IGSF9B: variants seen among roughly 807,000 people sequenced by gnomAD.
IGSF9B encodes the protein immunoglobulin superfamily member 9B.
A neutral mutation model predicts 143.7 loss-of-function variants in IGSF9B; 48 were observed. The observed-to-expected ratio is 0.33, with a 90% confidence interval of 0.26 to 0.42. The LOEUF is 0.42. Among genes scored for constraint, IGSF9B ranks in the 20% least tolerant of loss-of-function variants. The pLI, the probability that IGSF9B is intolerant of heterozygous loss-of-function variation, is 1.00. For missense variants in IGSF9B, 1,706 were observed against 1,980.0 expected (o/e 0.86, Z 2.63); for synonymous variants, 903 against 833.1 (o/e 1.08, Z -1.44).
chr11:133,914,217 A>G (rs1451516880), intron 18 of IGSF9B, among the ~76,000 whole-genome samples: 1 of 152,080 alleles, frequency 6.6e-6, no homozygotes, highest in Non-Finnish European at 1.5e-5. Flanking sequence ...CAATGCCCCC[A>G]TTTTTCAGAT....
At position 133,953,971 on chromosome 11, in the gene IGSF9B, C is replaced by T. The variant is rs562672610; in HGVS notation, c.64+2720G>A. The stretch of plus-strand genomic sequence containing the variant: ...AGCCCATTCCAACCTCTGTCCCGCA[C>T]CCGAGGGCTGATGGAGTCGGGTCCC... On this transcript the variant is annotated intron_variant, in intron 1 of 19. Transcript: ENST00000533871. The surrounding 1 kb of genome is among the most constrained non-coding windows in gnomAD (Gnocchi z 4.2). Among the ~76,000 whole-genome samples, 1 of 152,182 alleles carries T rather than the reference C, an allele frequency of 6.6e-6. No individual in the cohort carries two copies. The highest frequency in any genetic ancestry group is 1.5e-5 in the Non-Finnish European group (1 of 68,034).
chr11:133,939,891 CA>C (rs1939895376), intron 3 of IGSF9B, among the ~76,000 whole-genome samples: 1 of 147,758 alleles, frequency 6.8e-6, no homozygotes, highest in East Asian at 2.1e-4. Flanking sequence ...CGCGTCATCA[CA>C]TACAGAAACA....
chr11:133,906,337 C>T lies in IGSF9B; in HGVS notation c.*2732G>A, dbSNP rs925455125. 1.3e-5 allele frequency among the ~76,000 whole-genome samples: 2 copies of T among 152,362 alleles called. No homozygotes were observed. The highest frequency in any genetic ancestry group is 1.9e-4 in the East Asian group (1 of 5,176). ...AACTGCGTTCCACCAATCCCATCGC[C>T]GTCCACGGGCTGCAGGAGGGCTGCT... On this transcript the variant is annotated 3_prime_UTR_variant, in exon 20 of 20. Coordinates refer to ENST00000533871, the MANE Select transcript of IGSF9B (RefSeq NM_001277285.4).
intron 18 of IGSF9B, among the ~76,000 whole-genome samples, chr11:133,918,525 C>T (rs1432605528): frequency 2.0e-5 from 3 of 152,168 alleles, no homozygotes; most frequent in African/African-American, 7.2e-5. Flanking sequence ...CACCTCCGCG[C>T]ACAGGCGGCG....
chr11:133,904,847 G>GC lies in IGSF9B; in HGVS notation c.*4221dup, dbSNP rs1242038710. 1.1e-4 allele frequency among the ~76,000 whole-genome samples: 16 copies of GC among 150,722 alleles called. No individual in the cohort carries two copies. The highest frequency in any genetic ancestry group is 2.1e-4 in the South Asian group (1 of 4,702). ...CAACTCCCCCTCCTGAAACACCAGT[G>GC]CCCCATCCATTACCCTAGTCAATCT... On this transcript the variant is annotated 3_prime_UTR_variant, in exon 20 of 20. Transcript: ENST00000533871.
At chr11:133,933,834 CGGA>C (rs1234105427) in intron 7 of IGSF9B, among the ~76,000 whole-genome samples, 2 of 152,016 alleles carry the variant, frequency 1.3e-5, no homozygotes, top group South Asian at 2.1e-4. Context: ...CTGAGGGCTA[CGGA>C]GGAGAAGGAT....
chr11:133,921,216 C>T lies in IGSF9B; in HGVS notation c.2509G>A (p.Ala837Thr). ...ISSKKYSVAKAEAEAEATTPI... is the reference protein window; with the variant it reads ...ISSKKYSVAKTEAEAEATTPI... ...GTGGTGGCCTCTGCCTCGGCCTCTG[C>T]CTTGGCCACGCTGTACTTCTTGCTG... The change falls in exon 18 of 20, where the codon GCA becomes ACA. Residue 837 changes from alanine to threonine, a missense_variant. By Grantham distance (58) the Ala-to-Thr change is moderately conservative. Coordinates refer to ENST00000533871, the MANE Select transcript of IGSF9B (RefSeq NM_001277285.4). The T allele has an allele frequency of 6.2e-7, 1 of 1,609,818 alleles. No individual in the cohort carries two copies.
Position 133,928,632 on chromosome 11 carries a change from G to A in IGSF9B, c.1631+1039C>T, listed in dbSNP as rs1939671278. Among the ~76,000 whole-genome samples the A allele has an allele frequency of 6.6e-6, 1 of 152,208 alleles. No individual in the cohort carries two copies. Among genetic ancestry groups the A allele is most frequent in the Non-Finnish European group, 1.5e-5 (1 of 68,032 alleles). On this transcript the variant is annotated intron_variant, in intron 12 of 19. Coordinates refer to ENST00000533871, the MANE Select transcript of IGSF9B (RefSeq NM_001277285.4). This position sits in a 1 kb window ranked among gnomAD's most constrained non-coding sequence, Gnocchi z 4.7. ...TGAGGGGCTCGCCCTCCCAGCTCAA[G>A]GTTGTCACCCCCGGGGCAGGGCAGG...
chr11:133,930,325 T>TA (rs1186825878), intron 11 of IGSF9B, among the ~76,000 whole-genome samples: 1 of 152,034 alleles, frequency 6.6e-6, no homozygotes, highest in Non-Finnish European at 1.5e-5. Flanking sequence ...TCGAGGAACC[T>TA]ACACTAGAGA....
At chr11:133,947,297 T>A (rs1416918629) in intron 1 of IGSF9B, among the ~76,000 whole-genome samples, 3 of 152,104 alleles carry the variant, frequency 2.0e-5, no homozygotes, top group Non-Finnish European at 2.9e-5. Context: ...GGCCACAAGG[T>A]CACCTTGTCC....
In IGSF9B at chr11:133,948,346, G is replaced by A. The variant is rs972547320; in HGVS notation, c.65-2088C>T. Among the ~76,000 whole-genome samples, 1 of 152,284 alleles carries A rather than the reference G, an allele frequency of 6.6e-6. No individual in the cohort carries two copies. Among genetic ancestry groups the A allele is most frequent in the South Asian group, 2.1e-4 (1 of 4,828 alleles). On this transcript the variant is annotated intron_variant, in intron 1 of 19. Transcript: ENST00000533871. This position sits in a 1 kb window ranked among gnomAD's most constrained non-coding sequence, Gnocchi z 4.7. Reference sequence around the variant, plus strand: ...CTAGAGAAAGAGCTAAGATCACAGAGTATTTTTGGAGCAGAGCAGAGCATT... The same window carrying A: ...CTAGAGAAAGAGCTAAGATCACAGAATATTTTTGGAGCAGAGCAGAGCATT...
chr11:133,931,476 AG>A lies in IGSF9B; in HGVS notation c.1344del (p.Pro450LeufsTer8). 6.2e-7 allele frequency: 1 copy of A among 1,612,756 alleles called. No homozygotes were observed. The highest frequency in any genetic ancestry group is 8.5e-7 in the Non-Finnish European group (1 of 1,179,492). On this transcript the variant is annotated frameshift_variant, in exon 10 of 20. Transcript: ENST00000533871. LOFTEE classifies it high-confidence loss of function. The surrounding 1 kb of genome is among the most constrained non-coding windows in gnomAD (Gnocchi z 7.7). The stretch of plus-strand genomic sequence containing the variant: ...ACCTTTCTCCAAGTGATGACAGGAA[AG>A]GGGTCCCCTGCGGCAGCACAGGGGA... ...LLIPCAAAGD[P>X]FPVITWRKVG...
intron 14 of IGSF9B, 39 bp downstream of exon 14, chr11:133,925,700 G>A: frequency 2.6e-6 from 4 of 1,562,740 alleles, no homozygotes; most frequent in Non-Finnish European, 3.5e-6. Flanking sequence ...TCGCTTCCCG[G>A]ATTTGGGAAG....
intron 1 of IGSF9B, among the ~76,000 whole-genome samples, chr11:133,952,562 C>T (rs2121351577): frequency 6.6e-6 from 1 of 152,320 alleles, no homozygotes; most frequent in Middle Eastern, 3.4e-3. Flanking sequence ...GGCACTCAAG[C>T]ACTTGTGGGC....
rs576130939 is a variant in IGSF9B at position 133,905,605 on chromosome 11, C to T, written c.*3464G>A. On this transcript the variant is annotated 3_prime_UTR_variant, in exon 20 of 20. Coordinates refer to ENST00000533871, the MANE Select transcript of IGSF9B (RefSeq NM_001277285.4). This position sits in a 1 kb window ranked among gnomAD's most constrained non-coding sequence, Gnocchi z 4.0. ...CACCCGGCTTCAGTCTTCCCCCAAG[C>T]GCATGGTTGTGGGACTAAGCACCTC... 1.3e-5 allele frequency among the ~76,000 whole-genome samples: 2 copies of T among 152,352 alleles called. No homozygotes were observed. Among genetic ancestry groups the T allele is most frequent in the East Asian group, 1.9e-4 (1 of 5,190 alleles).
chr11:133,925,620 G>T, intron 14 of IGSF9B, 119 bp downstream of exon 14: 1 of 719,524 alleles, frequency 1.4e-6, no homozygotes, highest in Non-Finnish European at 2.4e-6. Context: ...TGGTGAGGAG[G>T]TACAGGATGT....
In IGSF9B at chr11:133,913,990, G is replaced by A. The variant is rs989940181; in HGVS notation, c.3984-1983C>T. ...CTCTCCAATGTCATCCAGGGCGACCGCTGGGGCACGAGAGAAACCGGTACA... is the reference window on the plus strand; with the variant it reads ...CTCTCCAATGTCATCCAGGGCGACCACTGGGGCACGAGAGAAACCGGTACA... On this transcript the variant is annotated intron_variant, in intron 18 of 19. Coordinates refer to ENST00000533871, the MANE Select transcript of IGSF9B (RefSeq NM_001277285.4). This position sits in a 1 kb window ranked among gnomAD's most constrained non-coding sequence, Gnocchi z 4.6. 6.6e-6 allele frequency among the ~76,000 whole-genome samples: 1 copy of A among 152,202 alleles called. No homozygotes were observed. The highest frequency in any genetic ancestry group is 6.5e-5 in the Admixed American group (1 of 15,280).
At chr11:133,933,552 C>A (rs377218123) in intron 7 of IGSF9B, among the ~76,000 whole-genome samples, 1 of 152,168 alleles carries the variant, frequency 6.6e-6, no homozygotes, top group East Asian at 1.9e-4. Context: ...TTAAGACCAG[C>A]CTGGGCAATT....
intron 18 of IGSF9B, 103 bp downstream of exon 18, chr11:133,919,639 C>G (rs531103509): frequency 3.9e-6 from 3 of 771,242 alleles, no homozygotes; most frequent in South Asian, 3.9e-5. Context: ...CATGTCCGCA[C>G]GAGCCCTGTC....
Sources: gnomAD v4.1 joint callset for allele counts (sites outside exome capture counted in the v4.1 genomes callset) on GRCh38, gnomAD v4.1.1 for gene constraint, Gnocchi (gnomAD v3.1) non-coding constraint, MANE v1.5 for transcripts, NCBI Gene and HGNC (gene_info 2026-07-23, HGNC 2026-07-21) for gene names.